Variants in TTI1 observed in about 807,000 individuals in gnomAD.
The protein encoded by TTI1 is TELO2 interacting protein 1.
TTI1 carries 52 observed loss-of-function variants against 85.4 expected under a neutral mutation model. That is an observed-to-expected ratio of 0.61 (90% CI 0.49 to 0.77). The LOEUF (loss-of-function observed/expected upper bound fraction) is 0.77. Among genes scored for constraint, TTI1 ranks in the 30% least tolerant of loss-of-function variants. The probability of loss-of-function intolerance (pLI) is 0.00; values close to 1 mark genes in which losing one functional copy is unlikely to be tolerated. For missense variants in TTI1, 1,173 were observed against 1,296.0 expected, an observed-to-expected ratio of 0.91 and a Z score of 1.46; for synonymous variants, 512 against 503.9, an observed-to-expected ratio of 1.02 and a Z score of -0.22.
Position 38,011,880 on chromosome 20 carries a change from C to CAGAA in TTI1, c.1933_1936dup (p.Cys646PhefsTer24), listed in dbSNP as rs2073597388. The CAGAA allele has an allele frequency of 6.2e-7, 1 of 1,614,204 alleles. No individual in the cohort carries two copies. Among genetic ancestry groups the CAGAA allele is most frequent in the Non-Finnish European group, 8.5e-7 (1 of 1,180,036 alleles). ...ATAAAGGGCTGACATCAAGAGCAAA[C>CAGAA]AGAAGTCTTTTCCTAGTGCATATGC... On this transcript the variant is annotated frameshift_variant, in exon 2 of 8. Transcript: ENST00000373447. LOFTEE classifies it high-confidence loss of function.
At chr20:38,023,186 G>A (rs930124282) in intron 1 of TTI1, among the ~76,000 whole-genome samples, 1 of 152,190 alleles carries the variant, frequency 6.6e-6, no homozygotes, top group Non-Finnish European at 1.5e-5. Flanking sequence ...GGCTCAGAGA[G>A]GTTCAGTGAT....
rs546891185 is a variant in TTI1, at chr20:37,996,695, G to A, written c.2998+54C>T. The A allele has an allele frequency of 2.4e-5, 37 of 1,556,238 alleles. No homozygotes were observed. In the East Asian group the frequency reaches 8.1e-4, roughly 34 times the overall value. On this transcript the variant is annotated intron_variant, in intron 6 of 7. Coordinates refer to ENST00000373447, the MANE Select transcript of TTI1 (RefSeq NM_001303457.2). ...CGACTGAGCAGAGGGCATGATGGCA[G>A]GGGTGAGACAGATGCTAAGTGTGTG... is the stretch of plus-strand genomic sequence containing the variant.
At chr20:38,011,411 C>T in intron 2 of TTI1, 104 bp downstream of exon 2, 3 of 1,292,290 alleles carry the variant, frequency 2.3e-6, no homozygotes, top group Non-Finnish European at 3.1e-6. Context: ...ATTAAAACGT[C>T]CTCCATAGCA....
At position 38,012,683 on chromosome 20, in the gene TTI1, C is replaced by T. The variant is rs771550127; in HGVS notation, c.1134G>A (p.Leu378=). 6.2e-7 allele frequency: 1 copy of T among 1,614,208 alleles called. No individual in the cohort carries two copies. The highest frequency in any genetic ancestry group is 8.5e-7 in the Non-Finnish European group (1 of 1,180,040). The change falls in exon 2 of 8, where the codon CTG becomes CTA. Residue 378 remains leucine, a synonymous_variant. Transcript: ENST00000373447. ...GAGGAAGAGATGTGGCAAGGGAATGCAGGCTTTCTGACAAGATGTCAGCGA... is the reference window on the plus strand; with the variant it reads ...GAGGAAGAGATGTGGCAAGGGAATGTAGGCTTTCTGACAAGATGTCAGCGA... ...KALADILSES[L]HSLATSLPRL...
intron 7 of TTI1, among the ~76,000 whole-genome samples, chr20:37,993,833 T>C (rs753670836): frequency 1.3e-5 from 2 of 152,122 alleles, no homozygotes; most frequent in Non-Finnish European, 2.9e-5. Context: ...TCTTCTCCCA[T>C]GAGGGTAAGT....
At chr20:37,994,157 C>G (rs189564292) in intron 7 of TTI1, among the ~76,000 whole-genome samples, 1 of 152,248 alleles carries the variant, frequency 6.6e-6, no homozygotes, top group Admixed American at 6.5e-5. Flanking sequence ...GTAGGTATGA[C>G]AGACTGCACT....
chr20:38,007,206 T>C (rs565747166), intron 2 of TTI1, among the ~76,000 whole-genome samples: 1 of 152,242 alleles, frequency 6.6e-6, no homozygotes, highest in Non-Finnish European at 1.5e-5. Context: ...TACCACTCAT[T>C]AGCAGAATAC....
chr20:37,984,388 C>G (rs371092285), intron 7 of TTI1, among the ~76,000 whole-genome samples: 1 of 152,198 alleles, frequency 6.6e-6, no homozygotes, highest in African/African-American at 2.4e-5. Flanking sequence ...CTACTGGACA[C>G]CCCACAGCCA....
rs537267208 is a variant in TTI1, at chr20:38,006,393, C to A, written c.2307G>T (p.Gln769His). The change falls in exon 3 of 8, where the codon CAG becomes CAT. Residue 769 changes from glutamine to histidine, a missense_variant. Gln to His is a conservative substitution (Grantham distance 24). Transcript: ENST00000373447. Reference sequence around the variant, plus strand: ...CAAGATTACCTGTGTCTGGGAACCACTGGGCTGTAAATAAAGTGTTACAAT... The same window carrying A: ...CAAGATTACCTGTGTCTGGGAACCAATGGGCTGTAAATAAAGTGTTACAAT... ...VLHALMAALA[Q>H]WFPDTGNLGH... 2 of 1,614,066 alleles carry A rather than the reference C, an allele frequency of 1.2e-6. No individual in the cohort carries two copies. Among genetic ancestry groups the A allele is most frequent in the Admixed American group, 1.7e-5 (1 of 60,008 alleles).
At position 38,000,191 on chromosome 20, in the gene TTI1, C is replaced by A. The variant is rs534549347; in HGVS notation, c.2653-863G>T. On this transcript the variant is annotated intron_variant, in intron 4 of 7. Transcript: ENST00000373447. ...AGCTGCTTCGTTTCAGGGGTAGCAA[C>A]TGAAGAGATGCAGATGCCACTGAAT... Among the ~76,000 whole-genome samples, 5 of 152,258 alleles carry A rather than the reference C, an allele frequency of 3.3e-5. No homozygotes were observed. In the East Asian group the frequency reaches 9.7e-4, roughly 29 times the overall value.
At chr20:38,000,522 T>G (rs2073410689) in intron 4 of TTI1, 2 of 42,766 alleles carry the variant, frequency 4.7e-5, no homozygotes, top group African/African-American at 8.2e-5. Flanking sequence ...CGCCCAACCT[T>G]CACAGGGCGA....
At chr20:37,992,650 T>C (rs1228324157) in intron 7 of TTI1, among the ~76,000 whole-genome samples, 3 of 152,166 alleles carry the variant, frequency 2.0e-5, no homozygotes, top group Admixed American at 6.5e-5. Flanking sequence ...AAAAGGCTCA[T>C]TGGATGATAT....
At chr20:38,033,139 T>C (rs568800518) in intron 1 of TTI1, among the ~76,000 whole-genome samples, 2 of 152,172 alleles carry the variant, frequency 1.3e-5, no homozygotes, top group Admixed American at 1.3e-4. Context: ...GATGTCACTT[T>C]CGGACAGAGA....
chr20:38,002,534 G>A, intron 4 of TTI1, 94 bp downstream of exon 4: 2 of 1,510,078 alleles, frequency 1.3e-6, no homozygotes, highest in South Asian at 1.2e-5. Flanking sequence ...CAGGAGATAA[G>A]GGGAGCTACG....
chr20:38,006,148 A>C, intron 3 of TTI1, 49 bp downstream of exon 3: 1 of 1,599,752 alleles, frequency 6.3e-7, no homozygotes, highest in Non-Finnish European at 8.6e-7. Context: ...TTTTTACAAT[A>C]ATCTGTTTCA....
rs1568633938 is a variant in TTI1 at position 38,028,903 on chromosome 20, C to T, written c.-42+4501G>A. On this transcript the variant is annotated intron_variant, in intron 1 of 7. Transcript: ENST00000373447. ...TTTGTATTTTTTAAAGACCGAGTTT[C>T]GCCATGTTGCCCAGGCTGTTCTTGA... is the stretch of plus-strand genomic sequence containing the variant. 2.0e-5 allele frequency among the ~76,000 whole-genome samples: 3 copies of T among 152,200 alleles called. 1 individual carries two copies. The South Asian group carries it at 6.2e-4, about 32-fold the overall frequency.
chr20:38,023,889 G>GT (rs1568631102), intron 1 of TTI1, among the ~76,000 whole-genome samples: 1 of 152,208 alleles, frequency 6.6e-6, no homozygotes, highest in Non-Finnish European at 1.5e-5. Context: ...GGCTAACACT[G>GT]TAAGGGAAGT....
chr20:38,019,304 TA>T (rs1568628186), intron 1 of TTI1, among the ~76,000 whole-genome samples: 1 of 151,928 alleles, frequency 6.6e-6, no homozygotes, highest in Non-Finnish European at 1.5e-5. Flanking sequence ...GAAAATGAAA[TA>T]GGTAAATATA....
At chr20:37,985,822 G>A (rs962179833) in intron 7 of TTI1, among the ~76,000 whole-genome samples, 4 of 152,080 alleles carry the variant, frequency 2.6e-5, no homozygotes, top group East Asian at 1.9e-4. Context: ...CACCGGGCCC[G>A]GCCTACTGAA....
Sources: gnomAD v4.1 joint callset for allele counts (sites outside exome capture counted in the v4.1 genomes callset) on GRCh38, gnomAD v4.1.1 for gene constraint, MANE v1.5 for transcripts, NCBI Gene and HGNC (gene_info 2026-07-23, HGNC 2026-07-21) for gene names.